Variants in ARHGAP12 observed in about 807,000 individuals in gnomAD.
The protein encoded by ARHGAP12 is Rho GTPase activating protein 12.
In ARHGAP12, 64 loss-of-function variants were observed where a neutral mutation model predicts 108.6. The observed-to-expected ratio is 0.59, with a 90% CI of 0.48 to 0.73. ARHGAP12 has a LOEUF of 0.73. Among genes scored for constraint, ARHGAP12 ranks in the 30% least tolerant of loss-of-function variants. The pLI, the probability that ARHGAP12 is intolerant of heterozygous loss-of-function variation, is 0.00. For missense variants in ARHGAP12, 940 were observed against 1,005.9 expected (o/e 0.93, Z 0.89); for synonymous variants, 312 against 337.2 (o/e 0.93, Z 0.82).
At chr10:31,827,803 ACAAAAAC>A (rs1282756291) in intron 10 of ARHGAP12, among the ~76,000 whole-genome samples, 11 of 149,618 alleles carry the variant, frequency 7.4e-5, no homozygotes, top group African/African-American at 2.8e-4. Flanking sequence ...AGAAAAAAAA[ACAAAAAC>A]AAAAAAAAAA....
intron 10 of ARHGAP12, among the ~76,000 whole-genome samples, chr10:31,828,520 T>C (rs1339260686): frequency 1.3e-5 from 2 of 152,196 alleles, no homozygotes; most frequent in Non-Finnish European, 2.9e-5. Flanking sequence ...ATACTTAAAT[T>C]AGCCTATTTC....
In ARHGAP12 at chr10:31,852,528, C is replaced by T. The variant is rs771692834; in HGVS notation, c.1159G>A (p.Glu387Lys). 2.4e-5 allele frequency: 39 copies of T among 1,609,746 alleles called. 1 individual carries two copies. The Admixed American group carries it at 6.3e-4, about 26-fold the overall frequency. ...YSADGSRSEWELPKYNASSQQ... is the reference protein window; with the variant it reads ...YSADGSRSEWKLPKYNASSQQ... ...TCAAGGTTTATTACCTTTGGCAATT[C>T]CCATTCTGACCGAGATCCGTCTGCA... Residue 387 changes from glutamate to lysine, a missense_variant, in exon 6 of 20, where the codon GAA becomes AAA. By Grantham distance (56) the Glu-to-Lys change is moderately conservative. Coordinates refer to ENST00000344936, the MANE Select transcript of ARHGAP12 (RefSeq NM_018287.7).
At chr10:31,817,206 C>CA (rs368475959) in intron 13 of ARHGAP12, among the ~76,000 whole-genome samples, 55 of 142,220 alleles carry the variant, frequency 3.9e-4, no homozygotes, top group Middle Eastern at 3.6e-3. Flanking sequence ...GACTCTGTTT[C>CA]AAAAAAAAAA....
chr10:31,905,733 G>T (rs932174795), intron 3 of ARHGAP12, among the ~76,000 whole-genome samples: 1 of 152,138 alleles, frequency 6.6e-6, no homozygotes, highest in African/African-American at 2.4e-5. Flanking sequence ...TGAAATGTGG[G>T]AAGAGTGAAT....
intron 16 of ARHGAP12, 66 bp from the exon 17 acceptor site, chr10:31,809,373 T>G: frequency 7.1e-7 from 1 of 1,409,286 alleles, no homozygotes; most frequent in Non-Finnish European, 1.0e-6. Flanking sequence ...TCTGAACACG[T>G]TTGCATGTGT....
At chr10:31,816,538 C>T (rs1048486778) in intron 13 of ARHGAP12, among the ~76,000 whole-genome samples, 1 of 152,112 alleles carries the variant, frequency 6.6e-6, no homozygotes, top group Non-Finnish European at 1.5e-5. Flanking sequence ...TGCATGCATA[C>T]TTGCTTTCAA....
chr10:31,854,350 A>G (rs560960264), intron 4 of ARHGAP12, 144 bp from the exon 5 acceptor site: 18 of 794,808 alleles, frequency 2.3e-5, no homozygotes, highest in African/African-American at 3.5e-5. Context: ...AAATAAATTG[A>G]TAAGTCTTTA....
intron 3 of ARHGAP12, among the ~76,000 whole-genome samples, chr10:31,893,824 C>A (rs560979791): frequency 3.3e-5 from 5 of 152,090 alleles, no homozygotes; most frequent in Non-Finnish European, 2.9e-5. Context: ...ATATCCCTGA[C>A]GAACATCAAT....
rs759149647 is a variant in ARHGAP12, at chr10:31,861,636, C to G, written c.707G>C (p.Gly236Ala). Residue 236 changes from glycine to alanine, a missense_variant, in exon 4 of 20, where the codon GGA (glycine) becomes GCA (alanine). Coordinates refer to ENST00000344936, the MANE Select transcript of ARHGAP12 (RefSeq NM_018287.7). Reference protein sequence around the residue: ...QIRATTPPNQGRPDSPVYANL... With the variant: ...QIRATTPPNQARPDSPVYANL... ...AGCATAGACAGGAGAATCTGGCCTT[C>G]CTTGATTTGGAGGTGTGGTTGCCTG... 2 of 1,607,148 alleles carry G rather than the reference C, an allele frequency of 1.2e-6. No homozygotes were observed.
At chr10:31,831,155 G>A (rs1835818170) in intron 10 of ARHGAP12, among the ~76,000 whole-genome samples, 1 of 152,054 alleles carries the variant, frequency 6.6e-6, no homozygotes, top group Non-Finnish European at 1.5e-5. Context: ...AGTTTAAAAC[G>A]TGCAAATAAA....
rs771228716 is a variant in ARHGAP12 at position 31,878,664 on chromosome 10, T to G, written c.685-17006A>C. Reference sequence around the variant, plus strand: ...TGCTGCCTTCTTTTGTAAATAAAGTTTTGTTGAAACAAAGCCATGCTCCTC... The same window carrying G: ...TGCTGCCTTCTTTTGTAAATAAAGTGTTGTTGAAACAAAGCCATGCTCCTC... On this transcript the variant is annotated intron_variant, in intron 3 of 19. Transcript: ENST00000344936. Among the ~76,000 whole-genome samples the G allele has an allele frequency of 5.3e-5, 8 of 152,248 alleles. 1 individual carries two copies. The South Asian group carries it at 1.0e-3, about 20-fold the overall frequency.
intron 1 of ARHGAP12, among the ~76,000 whole-genome samples, chr10:31,917,518 TG>T (rs1298397569): frequency 1.3e-5 from 2 of 152,242 alleles, no homozygotes; most frequent in Non-Finnish European, 2.9e-5. Context: ...ACAACACTAC[TG>T]GCTACCCAGG....
intron 3 of ARHGAP12, among the ~76,000 whole-genome samples, chr10:31,866,989 T>C (rs1837350841): frequency 1.3e-5 from 2 of 152,172 alleles, no homozygotes; most frequent in African/African-American, 4.8e-5. Context: ...AAGAAACAGG[T>C]GGAATTATGT....
At chr10:31,871,246 T>C (rs375464820) in intron 3 of ARHGAP12, among the ~76,000 whole-genome samples, 3 of 152,306 alleles carry the variant, frequency 2.0e-5, no homozygotes, top group East Asian at 3.9e-4. Context: ...AAAACAACCT[T>C]TGAATAAGGA....
At chr10:31,867,343 T>C (rs565653335) in intron 3 of ARHGAP12, among the ~76,000 whole-genome samples, 24 of 152,290 alleles carry the variant, frequency 1.6e-4, no homozygotes, top group Admixed American at 1.0e-3. Context: ...AAAAAGAAAG[T>C]GCACATGTTT....
At chr10:31,910,187 T>C (rs1001942570) in intron 2 of ARHGAP12, among the ~76,000 whole-genome samples, 4 of 152,198 alleles carry the variant, frequency 2.6e-5, no homozygotes, top group African/African-American at 7.2e-5. Context: ...GTTTGTAGTA[T>C]TTGTCACAGC....
At chr10:31,839,600 T>C in intron 8 of ARHGAP12, 37 bp downstream of exon 8, 1 of 1,510,100 alleles carries the variant, frequency 6.6e-7, no homozygotes, top group South Asian at 1.3e-5. Context: ...TTGAAATAAC[T>C]GGACTACATT....
chr10:31,928,535 GCGC>G (rs557487682), intron 1 of ARHGAP12, 145 bp downstream of exon 1: 87 of 151,880 alleles, frequency 5.7e-4, no homozygotes, highest in South Asian at 1.1e-3. Context: ...CACCTCCGCG[GCGC>G]CGCCGCCGCC....
chr10:31,917,589 GA>G (rs1430394128), intron 1 of ARHGAP12, among the ~76,000 whole-genome samples: 1 of 152,128 alleles, frequency 6.6e-6, no homozygotes, highest in Non-Finnish European at 1.5e-5. Context: ...CTCTCTTAAA[GA>G]AAATCTTCTA....
Sources: allele counts gnomAD v4.1 joint callset (sites outside exome capture counted in the v4.1 genomes callset), GRCh38; gene constraint gnomAD v4.1.1; transcripts MANE v1.5; gene names NCBI Gene and HGNC (gene_info 2026-07-23, HGNC 2026-07-21).